Variants in ISCU observed in about 807,000 individuals in gnomAD.
The protein encoded by ISCU is iron-sulfur cluster assembly enzyme ISCU.
A neutral mutation model predicts 18.4 loss-of-function variants in ISCU; 13 were observed. The observed-to-expected ratio is 0.71, with a 90% CI of 0.46 to 1.12. The LOEUF (loss-of-function observed/expected upper bound fraction) is 1.12. Ranked by LOEUF, ISCU falls within the 50% of genes most tolerant of loss-of-function variation. The probability of loss-of-function intolerance (pLI) is 0.00; values close to 1 mark genes in which losing one functional copy is unlikely to be tolerated. For synonymous variants in ISCU, 104 were observed against 87.5 expected, an observed-to-expected ratio of 1.19 and a Z score of -1.06; for missense variants, 229 against 208.7, an observed-to-expected ratio of 1.10 and a Z score of -0.60.
intron 1 of ISCU, 197 bp from the exon 2 acceptor site, chr12:108,564,082 T>TGTA: frequency 6.2e-7 from 1 of 1,610,628 alleles, no homozygotes; most frequent in Non-Finnish European, 8.5e-7. Context: ...TGTGAAGTAT[T>TGTA]GTAGAGGAGA....
chr12:108,563,631 C>T (rs2030739667), intron 1 of ISCU: 2 of 242,106 alleles, frequency 8.3e-6, no homozygotes, highest in Non-Finnish European at 8.2e-6. Flanking sequence ...GGCTTCTGCC[C>T]TTTCTCCAAG....
chr12:108,567,171 T>A lies in ISCU; in HGVS notation c.340-19T>A, dbSNP rs2030938179. On this transcript the variant is annotated intron_variant, in intron 3 of 4. Coordinates refer to ENST00000311893, the MANE Select transcript of ISCU (RefSeq NM_213595.4). The stretch of plus-strand genomic sequence containing the variant: ...TAAAGTGTTGCTAAAACTGCCCATC[T>A]TTCCATTATGCCTCTCAGGTGGAGG... 2 of 1,602,356 alleles carry A rather than the reference T, an allele frequency of 1.2e-6. No individual in the cohort carries two copies. The highest frequency in any genetic ancestry group is 1.7e-6 in the Non-Finnish European group (2 of 1,169,776).
intron 3 of ISCU, among the ~76,000 whole-genome samples, chr12:108,566,015 A>C (rs1181510458): frequency 6.6e-6 from 1 of 152,254 alleles, no homozygotes; most frequent in Non-Finnish European, 1.5e-5. Flanking sequence ...TGGTAGCTGC[A>C]GAGGTCAAAG....
intron 3 of ISCU, 72 bp from the exon 4 acceptor site, chr12:108,567,118 C>T: frequency 1.7e-6 from 2 of 1,168,244 alleles, no homozygotes; most frequent in Non-Finnish European, 1.3e-6. Context: ...CTTTGGCCTC[C>T]CTTTTTTATT....
At position 108,562,641 on chromosome 12, in the gene ISCU, T is replaced by G. The variant is rs10778647; in HGVS notation, c.19T>G (p.Phe7Val). 0.88 allele frequency: 1,286,091 copies of G among 1,468,804 alleles called. 564,017 individuals are homozygous for G. The highest frequency in any genetic ancestry group is 0.94 in the East Asian group (33,426 of 35,534). 91.0% of individuals were successfully genotyped at this position (1,468,804 alleles called of 1,614,324 possible). ...CGGCAAGATGGCGGCGGCTGGGGCT[T>G]TCCGTCTGAGGCGGGCGGCATCGGC... is the stretch of plus-strand genomic sequence containing the variant. MAAAGA[F>V]RLRRAASALL... The change falls in exon 1 of 5, where the codon TTC (phenylalanine) becomes GTC (valine). Residue 7 changes from phenylalanine (F) to valine (V), a missense_variant. By Grantham distance (50) the Phe-to-Val change is conservative (BLOSUM62 -1). Transcript: ENST00000311893.
At chr12:108,567,708 T>G (rs975497709) in intron 4 of ISCU, 43 of 1,535,944 alleles carry the variant, frequency 2.8e-5, no homozygotes, top group Non-Finnish European at 3.5e-5. Flanking sequence ...GCCATAATCC[T>G]GTTTCCTGTG....
In ISCU at chr12:108,568,953, G is replaced by A. The variant is rs776359543; in HGVS notation, c.*37G>A. ...GCGAAGCCTCCAGCAGGCCACACCAGCTGTTTCCCACCTGCTGTGCAGTCA... is the reference window on the plus strand; with the variant it reads ...GCGAAGCCTCCAGCAGGCCACACCAACTGTTTCCCACCTGCTGTGCAGTCA... On this transcript the variant is annotated 3_prime_UTR_variant, in exon 5 of 5. Transcript: ENST00000311893. 128 of 1,563,966 alleles carry A rather than the reference G, an allele frequency of 8.2e-5. 3 individuals are homozygous for A. In the South Asian group the frequency reaches 1.0e-3, roughly 12 times the overall value.
At chr12:108,563,872 C>T (rs1210222698) in intron 1 of ISCU, 5 of 599,792 alleles carry the variant, frequency 8.3e-6, no homozygotes, top group African/African-American at 7.4e-5. Flanking sequence ...GAAAGCTTTC[C>T]CTCCCTGGGC....
At chr12:108,568,490 A>G (rs1592795167) in intron 4 of ISCU, 1 of 1,196,708 alleles carries the variant, frequency 8.4e-7, no homozygotes, top group Non-Finnish European at 1.0e-6. Context: ...CTGTGTCCCT[A>G]CTATGTGTCA....
chr12:108,567,944 G>A (rs2030978666), intron 4 of ISCU: 1 of 1,421,410 alleles, frequency 7.0e-7, no homozygotes, highest in African/African-American at 1.4e-5. Context: ...AGAAACATTA[G>A]CCTTAATGCA....
upstream of ISCU, chr12:108,562,579 C>A: frequency 2.6e-6 from 3 of 1,154,658 alleles, no homozygotes; most frequent in Non-Finnish European, 3.4e-6. Flanking sequence ...ACGCGCCCCG[C>A]CCCTCGGCGT....
At chr12:108,568,112 G>A in intron 4 of ISCU, 1 of 1,366,230 alleles carries the variant, frequency 7.3e-7, no homozygotes, top group East Asian at 2.7e-5. Flanking sequence ...CACTTGATCT[G>A]GAATTTTAAG....
chr12:108,566,402 C>A (rs1005025487), intron 3 of ISCU, among the ~76,000 whole-genome samples: 1 of 152,224 alleles, frequency 6.6e-6, no homozygotes, highest in Non-Finnish European at 1.5e-5. Flanking sequence ...GAATTGTGAT[C>A]AGAAAATGGG....
At chr12:108,568,604 G>A (rs1371739385) in intron 4 of ISCU, 16 of 1,409,228 alleles carry the variant, frequency 1.1e-5, no homozygotes, top group East Asian at 2.7e-5. Flanking sequence ...ACTAGCCTGG[G>A]ATCACAGATT....
intron 3 of ISCU, among the ~76,000 whole-genome samples, chr12:108,566,286 G>A (rs1196014152): frequency 6.6e-6 from 1 of 152,278 alleles, no homozygotes; most frequent in East Asian, 1.9e-4. Flanking sequence ...CTAACCTGCT[G>A]TGGCAGGAGG....
intron 3 of ISCU, among the ~76,000 whole-genome samples, chr12:108,565,807 G>A (rs960402311): frequency 6.6e-6 from 1 of 152,138 alleles, no homozygotes; most frequent in Non-Finnish European, 1.5e-5. Flanking sequence ...GTTCTAGGTG[G>A]CTTTCAAGAA....
At position 108,562,605 on chromosome 12, in the gene ISCU, C is replaced by G; in HGVS notation, c.-18C>G. On this transcript the variant is annotated 5_prime_UTR_variant, in exon 1 of 5. Transcript: ENST00000311893. ...CCCTCGGCGTCGCTCTGGACTGGCG[C>G]AGGCGCAAGCCGGCAAGATGGCGGC... The G allele has an allele frequency of 1.4e-6, 2 of 1,409,490 alleles. No individual in the cohort carries two copies. Among genetic ancestry groups the G allele is most frequent in the African/African-American group, 1.5e-5 (1 of 67,390 alleles). 87.3% of individuals were successfully genotyped at this position (1,409,490 alleles called of 1,614,324 possible).
intron 3 of ISCU, among the ~76,000 whole-genome samples, chr12:108,566,945 G>C (rs765591600): frequency 6.6e-6 from 1 of 152,212 alleles, no homozygotes; most frequent in East Asian, 1.9e-4. Context: ...CTGACTTAGA[G>C]AAGTGTCTGG....
In ISCU at chr12:108,563,619, C is replaced by G. The variant is rs191325911; in HGVS notation, c.115-660C>G. ...AGTTCGAATGGATGTTTATTGTGAT[C>G]TGGCTTCTGCCCTTTCTCCAAGGGC... On this transcript the variant is annotated intron_variant, in intron 1 of 4. Transcript: ENST00000311893. The G allele has an allele frequency of 4.2e-3, 964 of 230,140 alleles. 30 individuals carry two copies. The highest frequency in any genetic ancestry group is 1.0e-3 in the Non-Finnish European group (118 of 114,256). 14.3% of individuals were successfully genotyped at this position (230,140 alleles called of 1,614,324 possible).
Sources: gnomAD v4.1 joint callset for allele counts (sites outside exome capture counted in the v4.1 genomes callset) on GRCh38, gnomAD v4.1.1 for gene constraint, MANE v1.5 for transcripts, NCBI Gene and HGNC (gene_info 2026-07-23, HGNC 2026-07-21) for gene names.